The following MTCL1 variants were observed in gnomAD, a reference collection of about 807,000 sequenced individuals.
The protein encoded by MTCL1 is microtubule crosslinking factor 1, also known as microtubule cross-linking factor 1.
A neutral mutation model predicts 141.4 loss-of-function variants in MTCL1; 79 were observed. That is an observed-to-expected ratio of 0.56 (90% CI 0.47 to 0.67). The LOEUF (loss-of-function observed/expected upper bound fraction) is 0.67. MTCL1 is among the 30% of genes least tolerant of loss of function. The pLI is 0.00. For synonymous variants in MTCL1, 914 were observed against 875.8 expected (o/e 1.04, Z -0.77); for missense variants, 2,177 against 2,113.9 (o/e 1.03, Z -0.59).
intron 14 of MTCL1, among the ~76,000 whole-genome samples, 194 bp downstream of exon 13, chr18:8,821,692 G>T (rs774531045): frequency 6.6e-6 from 1 of 152,140 alleles, no homozygotes; most frequent in Non-Finnish European, 1.5e-5. Context: ...GAAGTTAGAC[G>T]TGCTGTGTCA....
intron 4 of MTCL1, among the ~76,000 whole-genome samples, chr18:8,750,566 C>T (rs893818315): frequency 1.3e-5 from 2 of 152,184 alleles, no homozygotes; most frequent in African/African-American, 4.8e-5. Flanking sequence ...AAGTTTCTAT[C>T]TTCTAATCAG....
chr18:8,829,309 G>A (rs2077124127), intron 16 of MTCL1: 12 of 985,420 alleles, frequency 1.2e-5, no homozygotes, highest in Non-Finnish European at 1.4e-5. Context: ...CTTGCCTGAG[G>A]GGGTCTTTGG....
At position 8,825,543 on chromosome 18, in the gene MTCL1, A is replaced by G. The variant is rs1399922422; in HGVS notation, c.4033A>G (p.Lys1345Glu). 6 of 1,612,430 alleles carry G rather than the reference A, an allele frequency of 3.7e-6. No homozygotes were observed. The South Asian group carries it at 6.6e-5, about 18-fold the overall frequency. Reference sequence around the variant, plus strand: ...CAGCGGTGTCACCAGCAGCCCCCACAAGTGTCTCACTCCAAAGGCTGGGGG... The same window carrying G: ...CAGCGGTGTCACCAGCAGCCCCCACGAGTGTCTCACTCCAAAGGCTGGGGG... The change falls in exon 15 of 17, where the codon AAG becomes GAG. Residue 1345 changes from lysine to glutamate, a missense_variant. Transcript: ENST00000359865.
chr18:8,705,800 C>T lies in MTCL1; in HGVS notation c.140C>T (p.Pro47Leu), dbSNP rs2096056861. The T allele has an allele frequency of 4.2e-6, 5 of 1,193,342 alleles. No homozygotes were observed. The highest frequency in any genetic ancestry group is 5.2e-6 in the Non-Finnish European group (5 of 962,682). The allele number at this position is 1,193,342 out of a possible 1,614,324, so 73.9% of individuals were successfully genotyped here. A position where few individuals can be genotyped will look rare whatever the true frequency, so the allele number is the denominator to read the frequency against. The change falls in exon 1 of 14, where the codon CCC (proline) becomes CTC (leucine). Residue 47 changes from proline (P) to leucine (L), a missense_variant. Physicochemically the swap from Pro to Leu is moderately conservative, Grantham distance 98. Coordinates refer to the MTCL1 transcript ENST00000306329. This position sits in a 1 kb window ranked among gnomAD's most constrained non-coding sequence, Gnocchi z 5.2. ...CACCGTGCGCCCTCGCCCGCCAGAC[C>T]CTTCCTCAAGGACCTGCACGCCCGG...
Position 8,777,956 on chromosome 18 carries a change from T to C in MTCL1, c.417+64T>C, listed in dbSNP as rs540901371. The C allele has an allele frequency of 2.0e-5, 29 of 1,481,442 alleles. No homozygotes were observed. In the East Asian group the frequency reaches 5.7e-4, roughly 29 times the overall value. 91.8% of individuals were successfully genotyped at this position (1,481,442 alleles called of 1,614,324 possible). ...AAGTGAAGTCAACTCATTTTGAATGTTTTTCAGTAAGTGTTAGCTTTGCCT... is the reference window on the plus strand; with the variant it reads ...AAGTGAAGTCAACTCATTTTGAATGCTTTTCAGTAAGTGTTAGCTTTGCCT... On this transcript the variant is annotated intron_variant, in intron 5 of 16. Transcript: ENST00000359865.
chr18:8,799,798 A>G (rs2076052801), intron 10 of MTCL1, among the ~76,000 whole-genome samples: 1 of 152,266 alleles, frequency 6.6e-6, no homozygotes, highest in Non-Finnish European at 1.5e-5. Flanking sequence ...AACAACAGTC[A>G]TAGAAAATGT....
chr18:8,785,843 CT>C (rs951430865), intron 6 of MTCL1, 92 bp from the exon 6 acceptor site: 37 of 1,473,810 alleles, frequency 2.5e-5, no homozygotes, highest in African/African-American at 1.3e-4. Flanking sequence ...TTTATCCCCC[CT>C]CCCTGCCTCC....
At chr18:8,825,200 T>C (rs199536616) in exon 15 of MTCL1, 3 of 1,592,434 alleles carry the variant, frequency 1.9e-6, no homozygotes, top group Non-Finnish European at 1.7e-6. Context: ...AGGGAGGCCC[T>C]CCAGAACCCA....
intron 4 of MTCL1, among the ~76,000 whole-genome samples, chr18:8,748,583 C>G (rs1451086535): frequency 6.6e-6 from 1 of 151,840 alleles, no homozygotes; most frequent in Non-Finnish European, 1.5e-5. Flanking sequence ...TATATATGCA[C>G]ACACACACAC....
exon 7 of MTCL1, chr18:8,786,069 G>A (rs1366803994): frequency 1.9e-6 from 3 of 1,582,804 alleles, no homozygotes; most frequent in East Asian, 2.3e-5. Flanking sequence ...GGGCTGGGAG[G>A]CCAGACCTGC....
chr18:8,786,851 G>A (rs773557491), intron 7 of MTCL1: 30 of 159,092 alleles, frequency 1.9e-4, no homozygotes, highest in Non-Finnish European at 2.8e-4. Context: ...GGGGGAAAGC[G>A]TGTCACAGCC....
intron 10 of MTCL1, among the ~76,000 whole-genome samples, chr18:8,802,720 A>C (rs1340185245): frequency 6.6e-6 from 1 of 152,216 alleles, no homozygotes; most frequent in Admixed American, 6.5e-5. Context: ...GAGCTAGGTG[A>C]GGCTGTAATG....
upstream of MTCL1, among the ~76,000 whole-genome samples, chr18:8,715,443 T>C (rs551782620): frequency 2.0e-5 from 3 of 152,330 alleles, no homozygotes; most frequent in Middle Eastern, 3.4e-3. Flanking sequence ...AACCATTCTT[T>C]CCATGAACAG....
chr18:8,808,855 C>A (rs2076388606), intron 11 of MTCL1, among the ~76,000 whole-genome samples: 1 of 152,176 alleles, frequency 6.6e-6, no homozygotes, highest in African/African-American at 2.4e-5. Context: ...TCCTTTATAA[C>A]AGCGTGGAAA....
At chr18:8,784,034 A>C (rs2096541765) in exon 6 of MTCL1, 1 of 1,613,390 alleles carries the variant, frequency 6.2e-7, no homozygotes, top group African/African-American at 1.3e-5. Context: ...CGAGCTCAGC[A>C]AGTTTAAGTT....
chr18:8,783,673 G>A, exon 6 of MTCL1: 1 of 1,611,978 alleles, frequency 6.2e-7, no homozygotes, highest in Non-Finnish European at 8.5e-7. Context: ...ATGGGGATGT[G>A]GACAGTCCCC....
chr18:8,786,100 G>C lies in MTCL1; in HGVS notation c.1887+9G>C. 1 of 1,537,972 alleles carries C rather than the reference G, an allele frequency of 6.5e-7. No homozygotes were observed. Among genetic ancestry groups the C allele is most frequent in the Non-Finnish European group, 8.7e-7 (1 of 1,143,972 alleles). On this transcript the variant is annotated intron_variant, in intron 7 of 16. Transcript: ENST00000359865. Reference sequence around the variant, plus strand: ...CCTGCTTCAGCCTGGAGGTCAGCGTGGGCAAGCAATCCCCCCCCCCCGCCC... The same window carrying C: ...CCTGCTTCAGCCTGGAGGTCAGCGTCGGCAAGCAATCCCCCCCCCCCGCCC...
At chr18:8,796,731 A>G (rs1393248813) in intron 9 of MTCL1, among the ~76,000 whole-genome samples, 2 of 152,234 alleles carry the variant, frequency 1.3e-5, no homozygotes, top group Non-Finnish European at 2.9e-5. Flanking sequence ...AAGAGCAGGT[A>G]TGCAGTGCTA....
chr18:8,806,635 G>A (rs550423317), intron 10 of MTCL1, among the ~76,000 whole-genome samples: 3 of 152,260 alleles, frequency 2.0e-5, no homozygotes, highest in African/African-American at 7.2e-5. Context: ...CAGCTGCCAG[G>A]TCACCAGGGC....
Sources: allele counts gnomAD v4.1 joint callset (sites outside exome capture counted in the v4.1 genomes callset), GRCh38; gene constraint gnomAD v4.1.1; non-coding constraint Gnocchi (gnomAD v3.1); transcripts MANE v1.5; gene names NCBI Gene and HGNC (gene_info 2026-07-23, HGNC 2026-07-21).